The following CELSR1 variants were observed in gnomAD, a reference collection of about 807,000 sequenced individuals.
CELSR1 encodes adhesion G protein-coupled receptor C1.
In CELSR1, 110 loss-of-function variants were observed where a neutral mutation model predicts 249.1. That is an observed-to-expected ratio of 0.44 (90% CI 0.38 to 0.52). The LOEUF (loss-of-function observed/expected upper bound fraction) is 0.52, where lower values mean the gene tolerates loss of function less well. Among genes scored for constraint, CELSR1 ranks in the 20% least tolerant of loss-of-function variants. The probability of loss-of-function intolerance (pLI) is 0.00; values close to 1 mark genes in which losing one functional copy is unlikely to be tolerated. For missense variants in CELSR1, 4,109 were observed against 4,296.4 expected (o/e 0.96, Z 1.22); for synonymous variants, 2,113 against 1,900.0 (o/e 1.11, Z -2.92).
chr22:46,515,206 T>A (rs1346406710), intron 1 of CELSR1, among the ~76,000 whole-genome samples: 1 of 152,142 alleles, frequency 6.6e-6, no homozygotes, highest in African/African-American at 2.4e-5. Flanking sequence ...GGCCACACTC[T>A]GGGACCTCAT....
At chr22:46,386,882 T>C (rs1003317836) in intron 18 of CELSR1, among the ~76,000 whole-genome samples, 1 of 152,042 alleles carries the variant, frequency 6.6e-6, no homozygotes, top group Non-Finnish European at 1.5e-5. Flanking sequence ...ACCTCCCGAG[T>C]AGCTGGGATT....
chr22:46,422,262 C>T lies in CELSR1; in HGVS notation c.4612-10503G>A, dbSNP rs560107249. On this transcript the variant is annotated intron_variant, in intron 5 of 34. Transcript: ENST00000674500. ...CTGAGATTATGGGCACCTGCCACCA[C>T]GCCCGGCTAATTTTTTTGTATTTTT... Among the ~76,000 whole-genome samples the T allele has an allele frequency of 6.6e-5, 10 of 152,040 alleles. 1 individual carries two copies. The highest frequency in any genetic ancestry group is 4.6e-4 in the Admixed American group (7 of 15,284).
At position 46,535,578 on chromosome 22, in the gene CELSR1, C is replaced by T. The variant is rs2080844241; in HGVS notation, c.1593G>A (p.Ser531=). The T allele has an allele frequency of 6.2e-7, 1 of 1,613,296 alleles. No individual in the cohort carries two copies. Among genetic ancestry groups the T allele is most frequent in the East Asian group, 2.2e-5 (1 of 44,894 alleles). ...PLDFEDVQKY[S]LSIKAQDGGR... Reference sequence around the variant, plus strand: ...CCCCATCCTGGGCCTTAATGCTCAGCGAGTATTTCTGGACATCCTCGAAAT... The same window carrying T: ...CCCCATCCTGGGCCTTAATGCTCAGTGAGTATTTCTGGACATCCTCGAAAT... The change falls in exon 1 of 35, where the codon TCG becomes TCA. Residue 531 remains serine (S), a synonymous_variant. Transcript: ENST00000674500.
intron 1 of CELSR1, among the ~76,000 whole-genome samples, chr22:46,482,166 A>C (rs560169086): frequency 2.2e-4 from 34 of 152,330 alleles, no homozygotes; most frequent in African/African-American, 7.7e-4. Context: ...CAATCCCCAG[A>C]AGCTGTGACT....
chr22:46,465,202 G>T (rs2080083288), intron 1 of CELSR1, among the ~76,000 whole-genome samples: 1 of 152,066 alleles, frequency 6.6e-6, no homozygotes, highest in African/African-American at 2.4e-5. Context: ...GCCCTCACCT[G>T]CCACCTCCAG....
intron 23 of CELSR1, 125 bp from the exon 24 acceptor site, chr22:46,377,386 G>A (rs1424883608): frequency 8.4e-6 from 9 of 1,067,162 alleles, no homozygotes; most frequent in African/African-American, 1.6e-5. Context: ...GATCAGGCTG[G>A]GCTGGGGAGG....
At chr22:46,377,894 G>A (rs373968003) in intron 23 of CELSR1, among the ~76,000 whole-genome samples, 2 of 152,332 alleles carry the variant, frequency 1.3e-5, no homozygotes, top group South Asian at 2.1e-4. Context: ...CAGTGGCCTG[G>A]GCCCTTGAGC....
intron 22 of CELSR1, among the ~76,000 whole-genome samples, chr22:46,379,503 G>A (rs191208033): frequency 3.2e-4 from 49 of 152,374 alleles, no homozygotes; most frequent in African/African-American, 8.9e-4. Context: ...CCAGGACGCA[G>A]ATGAATGCCC....
At chr22:46,493,545 CAAAAA>C (rs35527058) in intron 1 of CELSR1, among the ~76,000 whole-genome samples, 2 of 124,732 alleles carry the variant, frequency 1.6e-5, no homozygotes, top group African/African-American at 3.1e-5. Flanking sequence ...GACTCCGTCT[CAAAAA>C]AAAAAAAAAA....
rs1047885138 is a variant in CELSR1, at chr22:46,413,134, C to T, written c.4612-1375G>A. On this transcript the variant is annotated intron_variant, in intron 5 of 34. Transcript: ENST00000674500. This position sits in a 1 kb window ranked among gnomAD's most constrained non-coding sequence, Gnocchi z 4.7. ...ACGTGGAAATAGATCGTTGTAAAAA[C>T]GTAGAATTTAATTAAATCATCCTCA... Among the ~76,000 whole-genome samples, 3 of 152,194 alleles carry T rather than the reference C, an allele frequency of 2.0e-5. No homozygotes were observed. Among genetic ancestry groups the T allele is most frequent in the African/African-American group, 4.8e-5 (2 of 41,434 alleles).
intron 1 of CELSR1, among the ~76,000 whole-genome samples, chr22:46,494,404 T>C (rs1162703872): frequency 6.6e-6 from 1 of 152,252 alleles, no homozygotes; most frequent in East Asian, 1.9e-4. Flanking sequence ...GGCACTGCAC[T>C]GAATCTACAG....
In CELSR1 at chr22:46,393,056, G is replaced by A. The variant is rs1294709524; in HGVS notation, c.5964+1086C>T. ...GTTGGAACCACCGCAGGCACTGGGG[G>A]GGGACACTACTGACATCACGAGATG... On this transcript the variant is annotated intron_variant, in intron 14 of 34. Coordinates refer to ENST00000674500, the MANE Select transcript of CELSR1 (RefSeq NM_001378328.1). The surrounding 1 kb of genome is among the most constrained non-coding windows in gnomAD (Gnocchi z 4.1). Among the ~76,000 whole-genome samples, 2 of 152,160 alleles carry A rather than the reference G, an allele frequency of 1.3e-5. No individual in the cohort carries two copies. The highest frequency in any genetic ancestry group is 2.4e-5 in the African/African-American group (1 of 41,428).
At chr22:46,444,491 G>A (rs910380764) in intron 2 of CELSR1, among the ~76,000 whole-genome samples, 15 of 152,216 alleles carry the variant, frequency 9.9e-5, no homozygotes, top group African/African-American at 1.2e-4. Flanking sequence ...AAACCCAGCC[G>A]CAGGTGTTTG....
intron 5 of CELSR1, among the ~76,000 whole-genome samples, chr22:46,420,555 GCA>G (rs779261011): frequency 3.9e-5 from 6 of 152,148 alleles, no homozygotes; most frequent in South Asian, 2.1e-4. Flanking sequence ...AGATATACTA[GCA>G]CACACTTGTG....
chr22:46,452,471 G>A (rs1248820178), intron 2 of CELSR1, among the ~76,000 whole-genome samples: 1 of 152,172 alleles, frequency 6.6e-6, no homozygotes, highest in Non-Finnish European at 1.5e-5. Context: ...CACAACACCT[G>A]GTCCCTGGCA....
Position 46,396,651 on chromosome 22 carries a change from C to T in CELSR1, c.5797G>A (p.Val1933Met), listed in dbSNP as rs138030522. 2.4e-5 allele frequency: 39 copies of T among 1,610,798 alleles called. No individual in the cohort carries two copies. The highest frequency in any genetic ancestry group is 2.8e-5 in the Non-Finnish European group (33 of 1,178,448). The change falls in exon 13 of 35, where the codon GTG (valine) becomes ATG (methionine). Residue 1933 changes from valine (V) to methionine (M), a missense_variant. Physicochemically the swap from Val to Met is conservative, Grantham distance 21 (BLOSUM62 1). This residue lies in a region of CELSR1 where 1,805 missense variants were observed against 1,831.6 expected (regional missense o/e 0.99). Coordinates refer to ENST00000674500, the MANE Select transcript of CELSR1 (RefSeq NM_001378328.1). The surrounding 1 kb of genome is among the most constrained non-coding windows in gnomAD (Gnocchi z 6.4). ...VRSPGSPQGYVCECGPSHYGP... is the reference protein window; with the variant it reads ...VRSPGSPQGYMCECGPSHYGP... ...TAGTGACTGGGCCCACACTCGCACA[C>T]GTAGCCCTGCGGGGAGCCGGGGGAG...
intron 1 of CELSR1, among the ~76,000 whole-genome samples, chr22:46,477,441 G>A (rs1222949001): frequency 1.3e-5 from 2 of 152,102 alleles, no homozygotes; most frequent in Non-Finnish European, 2.9e-5. Flanking sequence ...TTGTTGGGGA[G>A]TGCCGGGAAC....
intron 1 of CELSR1, among the ~76,000 whole-genome samples, chr22:46,489,311 G>C (rs1330509605): frequency 6.6e-6 from 1 of 151,822 alleles, no homozygotes; most frequent in Non-Finnish European, 1.5e-5. Context: ...CATGCTCTCT[G>C]ACGAGGGCAC....
chr22:46,477,674 A>C (rs571389920), intron 1 of CELSR1, among the ~76,000 whole-genome samples: 1 of 151,856 alleles, frequency 6.6e-6, no homozygotes, highest in South Asian at 2.1e-4. Context: ...CGCCAGGCTA[A>C]TTTTTTGTAT....
Sources: allele counts gnomAD v4.1 joint callset (sites outside exome capture counted in the v4.1 genomes callset), GRCh38; gene constraint gnomAD v4.1.1; regional missense constraint gnomAD v4.1.1; non-coding constraint Gnocchi (gnomAD v3.1); transcripts MANE v1.5; gene names NCBI Gene and HGNC (gene_info 2026-07-23, HGNC 2026-07-21).